BRD10: variants seen among roughly 807,000 people sequenced by gnomAD.
BRD10 encodes bromodomain containing 10, also known as uncharacterized bromodomain-containing protein 10.
chr9:5,977,416 A>G, the BRD10 span, among the ~76,000 whole-genome samples: 1 of 152,176 alleles, frequency 6.6e-6, no homozygotes, highest in Non-Finnish European at 1.5e-5. Flanking sequence ...ACAACTATGG[A>G]GTCTCTTTCC....
At chr9:6,007,946 G>A in the BRD10 span, 1 of 1,329,404 alleles carries the variant, frequency 7.5e-7, no homozygotes, top group Non-Finnish European at 9.6e-7. Context: ...GTGCGCGCGG[G>A]GGTCTTGAGC....
chr9:5,933,722 A>G, the BRD10 span: 37 of 468,134 alleles, frequency 7.9e-5, 1 homozygote, highest in South Asian at 5.3e-4. Flanking sequence ...ATCTCTATGT[A>G]TGTGAAATGA....
the BRD10 span, chr9:5,922,086 T>C: frequency 1.9e-6 from 3 of 1,613,884 alleles, no homozygotes; most frequent in African/African-American, 4.0e-5. Flanking sequence ...GATACAGTAT[T>C]GGGTGAATTT....
At chr9:5,923,330 C>CA in the BRD10 span, 1 of 1,542,620 alleles carries the variant, frequency 6.5e-7, no homozygotes, top group Non-Finnish European at 8.8e-7. Context: ...TAAAAACGGG[C>CA]ATTTTGTTTA....
chr9:5,936,529 T>C, the BRD10 span, among the ~76,000 whole-genome samples: 2 of 152,010 alleles, frequency 1.3e-5, no homozygotes, highest in African/African-American at 4.8e-5. Flanking sequence ...CATGTGTACT[T>C]TGTGCTCTCT....
At chr9:5,976,759 G>C in the BRD10 span, among the ~76,000 whole-genome samples, 4 of 150,170 alleles carry the variant, frequency 2.7e-5, no homozygotes, top group African/African-American at 9.8e-5. Context: ...TCAACACTAA[G>C]TAGGGAAAGG....
chr9:6,000,425 C>A, the BRD10 span, among the ~76,000 whole-genome samples: 2 of 152,036 alleles, frequency 1.3e-5, no homozygotes, highest in Non-Finnish European at 2.9e-5. Flanking sequence ...ACAGAGACAG[C>A]CTAAAGATCA....
At chr9:5,916,564 A>G in the BRD10 span, among the ~76,000 whole-genome samples, 1 of 139,452 alleles carries the variant, frequency 7.2e-6, no homozygotes, top group African/African-American at 2.7e-5. Context: ...CTATATATAA[A>G]ACATATATAA....
the BRD10 span, among the ~76,000 whole-genome samples, chr9:5,949,614 T>A: frequency 6.6e-6 from 1 of 152,184 alleles, no homozygotes; most frequent in South Asian, 2.1e-4. Flanking sequence ...CAATCATGCA[T>A]ATGAAATGGG....
At chr9:5,975,994 T>C in the BRD10 span, among the ~76,000 whole-genome samples, 29 of 152,272 alleles carry the variant, frequency 1.9e-4, no homozygotes, top group African/African-American at 6.0e-4. Context: ...CACAGATAAA[T>C]AGCAACAGAT....
the BRD10 span, among the ~76,000 whole-genome samples, chr9:5,930,392 T>TAC: frequency 1.4e-5 from 2 of 139,792 alleles, 1 homozygote; most frequent in African/African-American, 5.1e-5. Flanking sequence ...TATATATATA[T>TAC]ATGACCTTCA....
At chr9:5,920,200 T>C in the BRD10 span, 110 of 1,613,822 alleles carry the variant, frequency 6.8e-5, 1 homozygote, top group Middle Eastern at 3.3e-4. Context: ...TTGGTGTAGA[T>C]TGAATGCCTT....
chr9:5,906,943 G>C, the BRD10 span: 2 of 1,597,730 alleles, frequency 1.3e-6, no homozygotes, highest in Non-Finnish European at 8.5e-7. Context: ...CCACAAGAAG[G>C]GTTTGATCAT....
the BRD10 span, among the ~76,000 whole-genome samples, chr9:5,878,854 T>A: frequency 6.6e-6 from 1 of 152,238 alleles, no homozygotes; most frequent in Non-Finnish European, 1.5e-5. Flanking sequence ...AGAAACCTGT[T>A]TAACTTTATT....
the BRD10 span, among the ~76,000 whole-genome samples, chr9:5,976,923 G>C: frequency 6.6e-6 from 1 of 152,152 alleles, no homozygotes; most frequent in Non-Finnish European, 1.5e-5. Flanking sequence ...AAATGAAAGG[G>C]AAAGTTGGAG....
At chr9:5,899,254 T>A in the BRD10 span, 1 of 152,152 alleles carries the variant, frequency 6.6e-6, no homozygotes, top group Non-Finnish European at 1.5e-5. Context: ...GAGGAAAAGG[T>A]CCTGTGAAAG....
the BRD10 span, among the ~76,000 whole-genome samples, chr9:5,970,424 T>TC: frequency 6.6e-6 from 1 of 152,096 alleles, no homozygotes; most frequent in Non-Finnish European, 1.5e-5. Flanking sequence ...AGTGCTTTTT[T>TC]CCCCCTTAAG....
the BRD10 span, among the ~76,000 whole-genome samples, chr9:5,902,219 T>G: frequency 6.7e-6 from 1 of 150,304 alleles, no homozygotes; most frequent in Non-Finnish European, 1.5e-5. Context: ...TAGTTCTTCT[T>G]GCGTGGATTT....
the BRD10 span, among the ~76,000 whole-genome samples, chr9:5,989,019 T>G: frequency 1.3e-5 from 2 of 151,334 alleles, no homozygotes; most frequent in Non-Finnish European, 2.9e-5. Context: ...TCATCTGAGG[T>G]CAGGAGTTTG....
Sources: gnomAD v4.1 joint callset for allele counts (sites outside exome capture counted in the v4.1 genomes callset) on GRCh38, gnomAD v4.1.1 for gene constraint, MANE v1.5 for transcripts, NCBI Gene and HGNC (gene_info 2026-07-23, HGNC 2026-07-21) for gene names.